The following LRRIQ1 variants were observed in gnomAD, a reference collection of about 807,000 sequenced individuals.
The protein encoded by LRRIQ1 is leucine rich repeats and IQ motif containing 1.
A neutral mutation model predicts 211.9 loss-of-function variants in LRRIQ1; 210 were observed. The observed-to-expected ratio is 0.99, with a 90% CI of 0.89 to 1.11. LRRIQ1 has a LOEUF of 1.11. Among genes scored for constraint, LRRIQ1 ranks in the 50% most tolerant of loss-of-function variants. The pLI, the probability that LRRIQ1 is intolerant of heterozygous loss-of-function variation, is 0.00. For synonymous variants in LRRIQ1, 699 were observed against 650.1 expected (o/e 1.08, Z -1.14); for missense variants, 2,136 against 1,939.5 (o/e 1.10, Z -1.90).
At chr12:85,237,793 A>G (rs1895261697) in intron 26 of LRRIQ1, among the ~76,000 whole-genome samples, 1 of 152,184 alleles carries the variant, frequency 6.6e-6, no homozygotes, top group Admixed American at 6.6e-5. Context: ...TGCTAGAATA[A>G]AAACTGCCTC....
intron 26 of LRRIQ1, among the ~76,000 whole-genome samples, chr12:85,244,538 TG>T (rs1418504067): frequency 1.3e-5 from 2 of 151,778 alleles, no homozygotes; most frequent in Non-Finnish European, 3.0e-5. Flanking sequence ...TCAAAATTAC[TG>T]TACTAAAATG....
rs1308851792 is a variant in LRRIQ1 at position 85,156,257 on chromosome 12, G to A, written c.4720+2163G>A. On this transcript the variant is annotated intron_variant, in intron 23 of 26. Coordinates refer to ENST00000393217, the MANE Select transcript of LRRIQ1 (RefSeq NM_001079910.2). The stretch of plus-strand genomic sequence containing the variant: ...AACATTTTATGTTTAAAACATGAAC[G>A]CTGAAATGTAAAATTTAGTGATAAG... Among the ~76,000 whole-genome samples the A allele has an allele frequency of 2.6e-5, 4 of 151,520 alleles. No individual in the cohort carries two copies. In the South Asian group the frequency reaches 6.2e-4, roughly 24 times the overall value.
chr12:85,224,121 A>T (rs903175882), intron 24 of LRRIQ1, among the ~76,000 whole-genome samples: 1 of 147,692 alleles, frequency 6.8e-6, no homozygotes, highest in Non-Finnish European at 1.5e-5. Context: ...TGGATTAATT[A>T]TTTATGCAGA....
At chr12:85,103,519 G>GT (rs1886543205) in intron 13 of LRRIQ1, among the ~76,000 whole-genome samples, 1 of 151,634 alleles carries the variant, frequency 6.6e-6, no homozygotes, top group Non-Finnish European at 1.5e-5. Context: ...TAGTTCTCCT[G>GT]TTGAAAAGTA....
intron 24 of LRRIQ1, among the ~76,000 whole-genome samples, chr12:85,210,544 T>C (rs1234319962): frequency 6.6e-6 from 1 of 152,148 alleles, no homozygotes. Flanking sequence ...CAAGAGAAAA[T>C]TTTTACAAAT....
chr12:85,249,991 T>C (rs565526040), downstream of LRRIQ1, among the ~76,000 whole-genome samples: 20 of 151,860 alleles, frequency 1.3e-4, no homozygotes, highest in Non-Finnish European at 2.7e-4. Flanking sequence ...ATTTTTTTTT[T>C]ATTGTTTCTT....
chr12:85,129,073 T>C (rs2136479454), intron 18 of LRRIQ1, among the ~76,000 whole-genome samples: 1 of 152,304 alleles, frequency 6.6e-6, no homozygotes, highest in African/African-American at 2.4e-5. Flanking sequence ...TTCTCTCAAC[T>C]CTTAGATACC....
At chr12:85,196,292 C>T (rs1023008408) in intron 24 of LRRIQ1, among the ~76,000 whole-genome samples, 1 of 152,078 alleles carries the variant, frequency 6.6e-6, no homozygotes, top group Non-Finnish European at 1.5e-5. Context: ...CATCAAGCTA[C>T]CAATGACTTT....
intron 24 of LRRIQ1, among the ~76,000 whole-genome samples, chr12:85,200,565 TG>T (rs778707229): frequency 6.6e-6 from 1 of 152,170 alleles, no homozygotes; most frequent in Non-Finnish European, 1.5e-5. Flanking sequence ...TTCCAGCTTT[TG>T]CCCATTCAGT....
At chr12:85,051,840 T>A (rs1880362160) in intron 6 of LRRIQ1, among the ~76,000 whole-genome samples, 1 of 152,156 alleles carries the variant, frequency 6.6e-6, no homozygotes, top group South Asian at 2.1e-4. Context: ...AAAACAATTG[T>A]AACACAAAAC....
chr12:85,080,032 G>A (rs1884103015), intron 11 of LRRIQ1, among the ~76,000 whole-genome samples: 1 of 151,910 alleles, frequency 6.6e-6, no homozygotes, highest in South Asian at 2.1e-4. Flanking sequence ...GAATTCTTCA[G>A]ATATTATATG....
chr12:85,075,058 A>G (rs549730516), intron 11 of LRRIQ1, among the ~76,000 whole-genome samples: 2 of 152,252 alleles, frequency 1.3e-5, no homozygotes, highest in Admixed American at 6.5e-5. Context: ...TAAGTGTTAT[A>G]CAGTAATAGA....
chr12:85,216,754 A>G (rs748431903), intron 24 of LRRIQ1, among the ~76,000 whole-genome samples: 2 of 151,870 alleles, frequency 1.3e-5, no homozygotes, highest in African/African-American at 4.8e-5. Context: ...GCTTTTACCT[A>G]TTTTCAAATT....
downstream of LRRIQ1, among the ~76,000 whole-genome samples, chr12:85,267,378 T>C (rs1050036892): frequency 1.3e-4 from 20 of 152,030 alleles, no homozygotes; most frequent in Non-Finnish European, 2.6e-4. Context: ...TTAGCCATAT[T>C]AGCCCCTAAA....
chr12:85,252,041 GA>G (rs1421320657), intron 1 of LRRIQ1, among the ~76,000 whole-genome samples: 1 of 151,874 alleles, frequency 6.6e-6, no homozygotes, highest in Non-Finnish European at 1.5e-5. Flanking sequence ...AATCAACTGA[GA>G]GGGGAAAATC....
At chr12:85,081,258 C>T (rs913784299) in intron 11 of LRRIQ1, among the ~76,000 whole-genome samples, 2 of 152,044 alleles carry the variant, frequency 1.3e-5, no homozygotes, top group Non-Finnish European at 2.9e-5. Context: ...GAATCTTAAC[C>T]GTATGATTCG....
rs141341065 is a variant in LRRIQ1, at chr12:85,243,863, C to T, written c.5017-926C>T. On this transcript the variant is annotated intron_variant, in intron 26 of 26. Coordinates refer to ENST00000393217, the MANE Select transcript of LRRIQ1 (RefSeq NM_001079910.2). Reference sequence around the variant, plus strand: ...ATACTAGCTCCTTGAGTCTTTGTGGCTCATCTTATGGAGACAGCTTTTTAA... The same window carrying T: ...ATACTAGCTCCTTGAGTCTTTGTGGTTCATCTTATGGAGACAGCTTTTTAA... 1.5e-3 allele frequency among the ~76,000 whole-genome samples: 225 copies of T among 151,518 alleles called. 1 individual carries two copies. Among genetic ancestry groups the T allele is most frequent in the Non-Finnish European group, 2.6e-3 (179 of 67,568 alleles).
chr12:85,232,629 A>T, intron 25 of LRRIQ1, 67 bp from the exon 26 acceptor site: 2 of 1,259,600 alleles, frequency 1.6e-6, no homozygotes, highest in Non-Finnish European at 2.3e-6. Flanking sequence ...TTTTAGTTGG[A>T]CGTTTCTTTT....
intron 24 of LRRIQ1, among the ~76,000 whole-genome samples, chr12:85,224,191 C>G (rs1424057632): frequency 1.3e-5 from 2 of 152,158 alleles, no homozygotes; most frequent in Admixed American, 6.6e-5. Flanking sequence ...ATCAAAACCA[C>G]AGTGAGATAC....
Sources: allele counts gnomAD v4.1 joint callset (sites outside exome capture counted in the v4.1 genomes callset), GRCh38; gene constraint gnomAD v4.1.1; transcripts MANE v1.5; gene names NCBI Gene and HGNC (gene_info 2026-07-23, HGNC 2026-07-21).